The following CSMD1 variants were observed in gnomAD, a reference collection of about 807,000 sequenced individuals.
CSMD1 encodes the protein CUB and Sushi multiple domains 1, also known as CUB and sushi domain-containing protein 1.
A neutral mutation model predicts 417.5 loss-of-function variants in CSMD1; 213 were observed. That is an observed-to-expected ratio of 0.51 (90% confidence interval 0.46 to 0.57). The LOEUF (loss-of-function observed/expected upper bound fraction) is 0.57. CSMD1 is among the 20% of genes least tolerant of loss of function. The pLI is 0.00. For synonymous variants in CSMD1, 2,862 were observed against 1,736.8 expected, an observed-to-expected ratio of 1.65 and a Z score of -16.11; for missense variants, 6,923 against 4,529.7, an observed-to-expected ratio of 1.53 and a Z score of -15.17.
At chr8:3,981,944 G>A (rs796944163) in intron 5 of CSMD1, among the ~76,000 whole-genome samples, 1 of 152,006 alleles carries the variant, frequency 6.6e-6, no homozygotes, top group African/African-American at 2.4e-5. Context: ...GGCCGAGGCA[G>A]GTGGATCACA....
chr8:3,924,496 A>G (rs1809500873), intron 5 of CSMD1, among the ~76,000 whole-genome samples: 2 of 152,142 alleles, frequency 1.3e-5, no homozygotes, highest in South Asian at 2.1e-4. Context: ...TGATACATAT[A>G]TTGATTCACT....
chr8:4,420,554 G>A (rs145910733), intron 2 of CSMD1, among the ~76,000 whole-genome samples: 1 of 152,030 alleles, frequency 6.6e-6, no homozygotes, highest in South Asian at 2.1e-4. Flanking sequence ...TAAAAAATAT[G>A]ACAGGTAAAG....
rs565672621 is a variant in CSMD1 at position 3,933,013 on chromosome 8, A to T, written c.818+64890T>A. Among the ~76,000 whole-genome samples the T allele has an allele frequency of 5.4e-4, 68 of 126,396 alleles. 5 individuals carry two copies. The highest frequency in any genetic ancestry group is 2.1e-3 in the African/African-American group (68 of 32,720). 82.9% of individuals were successfully genotyped at this position (126,396 alleles called of 152,430 possible). A position where few individuals can be genotyped will look rare whatever the true frequency, so the allele number is the denominator to read the frequency against. On this transcript the variant is annotated intron_variant, in intron 5 of 69. Coordinates refer to ENST00000635120, the MANE Select transcript of CSMD1 (RefSeq NM_033225.6). Reference sequence around the variant, plus strand: ...ACTTTTTAAATGTTTAACATTATAGAACAAGTGAAATGTATGATAAAAAAA... The same window carrying T: ...ACTTTTTAAATGTTTAACATTATAGTACAAGTGAAATGTATGATAAAAAAA...
intron 5 of CSMD1, among the ~76,000 whole-genome samples, chr8:3,919,390 A>G (rs900460891): frequency 2.0e-5 from 3 of 151,344 alleles, no homozygotes; most frequent in African/African-American, 7.3e-5. Flanking sequence ...TGTTGAAGAG[A>G]CTCTCTTTTC....
At chr8:3,915,125 G>C (rs1044243274) in intron 5 of CSMD1, among the ~76,000 whole-genome samples, 3 of 152,126 alleles carry the variant, frequency 2.0e-5, no homozygotes, top group Non-Finnish European at 4.4e-5. Context: ...TAGGTAGCAG[G>C]TTGGGAGTAG....
At chr8:3,739,913 T>G (rs1038997980) in intron 6 of CSMD1, among the ~76,000 whole-genome samples, 1 of 152,124 alleles carries the variant, frequency 6.6e-6, no homozygotes, top group African/African-American at 2.4e-5. Context: ...CTTCAAGCAA[T>G]GAGGATATTT....
At chr8:3,916,612 G>A (rs1021856278) in intron 5 of CSMD1, among the ~76,000 whole-genome samples, 2 of 152,074 alleles carry the variant, frequency 1.3e-5, no homozygotes, top group East Asian at 3.9e-4. Context: ...TTTAGTAGGC[G>A]ACTGCAAATG....
intron 8 of CSMD1, among the ~76,000 whole-genome samples, chr8:3,600,636 G>A (rs1445451646): frequency 6.6e-6 from 1 of 152,104 alleles, no homozygotes; most frequent in Non-Finnish European, 1.5e-5. Flanking sequence ...GAAAACGACT[G>A]GTGACCCCAG....
At chr8:3,521,743 G>A (rs1011547892) in intron 10 of CSMD1, among the ~76,000 whole-genome samples, 3 of 152,190 alleles carry the variant, frequency 2.0e-5, no homozygotes, top group Admixed American at 6.5e-5. Context: ...AAGATGTTAA[G>A]TAAATTCTCA....
At chr8:4,758,485 T>C (rs1054296943) in intron 1 of CSMD1, among the ~76,000 whole-genome samples, 1 of 152,088 alleles carries the variant, frequency 6.6e-6, no homozygotes, top group African/African-American at 2.4e-5. Flanking sequence ...AAGAAAGAGA[T>C]CCCTTTGGAC....
intron 12 of CSMD1, among the ~76,000 whole-genome samples, chr8:3,432,883 A>G (rs1814307541): frequency 6.6e-6 from 1 of 152,190 alleles, no homozygotes; most frequent in Non-Finnish European, 1.5e-5. Flanking sequence ...CATCAGAGTA[A>G]TGCCTAAACA....
At chr8:4,227,003 T>A (rs1417911279) in intron 3 of CSMD1, among the ~76,000 whole-genome samples, 2 of 152,118 alleles carry the variant, frequency 1.3e-5, no homozygotes, top group African/African-American at 4.8e-5. Flanking sequence ...AGGGGGTAAA[T>A]CCCGTCATTA....
intron 1 of CSMD1, among the ~76,000 whole-genome samples, chr8:4,974,636 G>A (rs909340485): frequency 3.9e-5 from 6 of 152,122 alleles, no homozygotes; most frequent in Non-Finnish European, 8.8e-5. Context: ...ATAATAGCAG[G>A]AATATGCAGT....
At chr8:3,792,669 G>A (rs112991913) in intron 5 of CSMD1, among the ~76,000 whole-genome samples, 2 of 152,134 alleles carry the variant, frequency 1.3e-5, no homozygotes, top group Non-Finnish European at 2.9e-5. Context: ...AAACAAAACA[G>A]AGACCGCAAT....
chr8:3,548,146 G>C (rs1250681468), intron 10 of CSMD1, among the ~76,000 whole-genome samples: 3 of 152,108 alleles, frequency 2.0e-5, no homozygotes, highest in Non-Finnish European at 4.4e-5. Context: ...GACTCTATCG[G>C]TACATGTAAC....
intron 5 of CSMD1, among the ~76,000 whole-genome samples, chr8:3,904,123 C>T (rs1434043190): frequency 5.3e-5 from 8 of 152,044 alleles, no homozygotes; most frequent in Non-Finnish European, 1.2e-4. Context: ...AGTAATTCGG[C>T]CTTGTAATTA....
chr8:4,094,316 G>C (rs540750299), intron 3 of CSMD1, among the ~76,000 whole-genome samples: 1 of 152,238 alleles, frequency 6.6e-6, no homozygotes, highest in East Asian at 1.9e-4. Flanking sequence ...GCAGGCGACT[G>C]TAGGAACCCA....
intron 6 of CSMD1, among the ~76,000 whole-genome samples, chr8:3,731,220 C>G (rs1488437977): frequency 1.3e-5 from 2 of 152,208 alleles, no homozygotes; most frequent in African/African-American, 4.8e-5. Context: ...CACCTTCCCA[C>G]TGTCCTCCTT....
At chr8:3,018,419 TA>T (rs1809047917) in intron 52 of CSMD1, 57 bp downstream of exon 52, 1 of 1,518,276 alleles carries the variant, frequency 6.6e-7, no homozygotes, top group Non-Finnish European at 9.0e-7. Flanking sequence ...TACACAGCTG[TA>T]ATCTATTTCT....
Sources: gnomAD v4.1 joint callset for allele counts (sites outside exome capture counted in the v4.1 genomes callset) on GRCh38, gnomAD v4.1.1 for gene constraint, MANE v1.5 for transcripts, NCBI Gene and HGNC (gene_info 2026-07-23, HGNC 2026-07-21) for gene names.